GRIN2B: variants seen among roughly 807,000 people sequenced by gnomAD.
The protein encoded by GRIN2B is glutamate ionotropic receptor NMDA type subunit 2B, also known as glutamate receptor ionotropic, NMDA 2B.
A neutral mutation model predicts 114.5 loss-of-function variants in GRIN2B; 5 were observed. The ratio of observed to expected loss-of-function variants is 0.04; its 90% CI spans 0.02 to 0.09. The LOEUF (loss-of-function observed/expected upper bound fraction) is 0.09. Ranked by LOEUF, GRIN2B falls within the 10% of genes least tolerant of loss-of-function variation. The probability of loss-of-function intolerance (pLI) is 1.00; values close to 1 mark genes in which losing one functional copy is unlikely to be tolerated. For synonymous variants in GRIN2B, 787 were observed against 745.1 expected, an observed-to-expected ratio of 1.06 and a Z score of -0.92; for missense variants, 1,108 against 1,943.5, an observed-to-expected ratio of 0.57 and a Z score of 8.08.
chr12:13,792,700 C>G (rs1864341577), intron 3 of GRIN2B, among the ~76,000 whole-genome samples: 2 of 152,200 alleles, frequency 1.3e-5, no homozygotes, highest in Non-Finnish European at 2.9e-5. Context: ...GGCCATGGTG[C>G]AAGGCAGATG....
chr12:13,586,809 G>A (rs1297395345), intron 10 of GRIN2B, among the ~76,000 whole-genome samples: 3 of 152,092 alleles, frequency 2.0e-5, no homozygotes, highest in Non-Finnish European at 2.9e-5. Context: ...TCAACCATTG[G>A]TCATGAAACT....
At chr12:13,838,686 C>T (rs901618960) in intron 3 of GRIN2B, among the ~76,000 whole-genome samples, 2 of 152,160 alleles carry the variant, frequency 1.3e-5, no homozygotes, top group African/African-American at 4.8e-5. Context: ...GTCACTGATG[C>T]TCAGGTGTGG....
In GRIN2B at chr12:13,639,850, C is replaced by T. The variant is rs960388903; in HGVS notation, c.1126-23193G>A. ...TTTCTTTTTCATCTTTTTCTCTCTC[C>T]ATCCCTTTCCCTTATTAAATTTCCC... On this transcript the variant is annotated intron_variant, in intron 5 of 13. Coordinates refer to ENST00000609686, the MANE Select transcript of GRIN2B (RefSeq NM_000834.5). Among the ~76,000 whole-genome samples the T allele has an allele frequency of 2.0e-5, 3 of 152,024 alleles. No individual in the cohort carries two copies. In the East Asian group the frequency reaches 5.8e-4, roughly 29 times the overall value.
chr12:13,650,334 C>T (rs1443010377), intron 5 of GRIN2B, among the ~76,000 whole-genome samples: 1 of 86,098 alleles, frequency 1.2e-5, no homozygotes, highest in African/African-American at 4.0e-5. Context: ...TTCCTCCCCT[C>T]TGTCAATGTA....
intron 4 of GRIN2B, among the ~76,000 whole-genome samples, chr12:13,700,740 G>T (rs1408287773): frequency 6.6e-6 from 1 of 152,176 alleles, no homozygotes; most frequent in Non-Finnish European, 1.5e-5. Context: ...AGCTGTCCCT[G>T]TTGGGTCCTT....
chr12:13,556,090 T>A lies in GRIN2B; in HGVS notation c.*6693A>T, dbSNP rs1456212360. 1 of 151,872 alleles carries A rather than the reference T, an allele frequency of 6.6e-6. No individual in the cohort carries two copies. 9.4% of individuals were successfully genotyped at this position (151,872 alleles called of 1,614,324 possible). A position where few individuals can be genotyped will look rare whatever the true frequency, so the allele number is the denominator to read the frequency against. On this transcript the variant is annotated 3_prime_UTR_variant, in exon 14 of 14. Coordinates refer to ENST00000609686, the MANE Select transcript of GRIN2B (RefSeq NM_000834.5). ...TTTATGGACCAGAACAACAGAGGGG[T>A]CTTGAAGGAAGGAAGATATAGAAAA...
chr12:13,590,345 G>A (rs1027700777), intron 10 of GRIN2B, among the ~76,000 whole-genome samples: 1 of 152,054 alleles, frequency 6.6e-6, no homozygotes, highest in African/African-American at 2.4e-5. Flanking sequence ...TAGGTTTTAA[G>A]CCCCGCATGC....
chr12:13,571,794 C>A lies in GRIN2B; in HGVS notation c.2171+10G>T, dbSNP rs755997043. ...AGATCAAGGACTCTGAGCTTGGAAG[C>A]AGTTCTTACCCTGTTTTCAGGGAGA... On this transcript the variant is annotated intron_variant, in intron 11 of 13. Coordinates refer to ENST00000609686, the MANE Select transcript of GRIN2B (RefSeq NM_000834.5). 3 of 1,613,852 alleles carry A rather than the reference C, an allele frequency of 1.9e-6. No individual in the cohort carries two copies. Among genetic ancestry groups the A allele is most frequent in the African/African-American group, 2.7e-5 (2 of 74,928 alleles).
intron 10 of GRIN2B, among the ~76,000 whole-genome samples, chr12:13,576,297 A>C (rs1948775223): frequency 6.6e-6 from 1 of 151,970 alleles, no homozygotes; most frequent in Non-Finnish European, 1.5e-5. Flanking sequence ...CTTGTAATAA[A>C]ACTTACCCCA....
intron 10 of GRIN2B, among the ~76,000 whole-genome samples, chr12:13,605,551 T>TCACACACA: frequency 4.9e-4 from 15 of 30,422 alleles, no homozygotes; most frequent in Non-Finnish European, 8.8e-4. Context: ...TCTCTCTCTC[T>TCACACACA]GACACACACA....
At chr12:13,796,464 T>C (rs1864420986) in intron 3 of GRIN2B, among the ~76,000 whole-genome samples, 1 of 152,202 alleles carries the variant, frequency 6.6e-6, no homozygotes, top group South Asian at 2.1e-4. Context: ...CAACTATAGC[T>C]TGGGTTTACA....
intron 4 of GRIN2B, among the ~76,000 whole-genome samples, chr12:13,726,547 AAT>A (rs951888324): frequency 5.4e-5 from 8 of 147,592 alleles, no homozygotes; most frequent in African/African-American, 1.7e-4. Flanking sequence ...AAAAGAAAGA[AAT>A]ATATATATAT....
intron 3 of GRIN2B, among the ~76,000 whole-genome samples, chr12:13,766,417 A>C (rs2136641418): frequency 6.6e-6 from 1 of 152,296 alleles, no homozygotes; most frequent in East Asian, 1.9e-4. Flanking sequence ...CAGTGAGCAA[A>C]GTAAACATCC....
intron 4 of GRIN2B, among the ~76,000 whole-genome samples, chr12:13,698,226 G>A (rs7967652): frequency 0.36 from 55,485 of 152,190 alleles, 11,141 homozygotes; most frequent in Non-Finnish European, 0.46. Context: ...GTTGGGGCGC[G>A]GGGCGCGGGG....
chr12:13,799,073 G>A (rs546105353), intron 3 of GRIN2B, among the ~76,000 whole-genome samples: 20 of 152,236 alleles, frequency 1.3e-4, no homozygotes, highest in African/African-American at 3.9e-4. Flanking sequence ...TTTCCTTCAC[G>A]AACAATTTCA....
chr12:13,770,284 T>C (rs1237563039), intron 3 of GRIN2B, among the ~76,000 whole-genome samples: 2 of 152,366 alleles, frequency 1.3e-5, no homozygotes, highest in Middle Eastern at 3.4e-3. Context: ...TCATTGGGTG[T>C]TTCACACTGG....
At chr12:13,720,249 G>T (rs906532527) in intron 4 of GRIN2B, among the ~76,000 whole-genome samples, 1 of 151,934 alleles carries the variant, frequency 6.6e-6, no homozygotes, top group African/African-American at 2.4e-5. Context: ...CTCAGTTCTG[G>T]CATATTCAAC....
chr12:13,791,787 T>A (rs1285916508), intron 3 of GRIN2B, among the ~76,000 whole-genome samples: 1 of 152,206 alleles, frequency 6.6e-6, no homozygotes, highest in African/African-American at 2.4e-5. Context: ...CATTTAATAT[T>A]TATCTCTTCT....
intron 3 of GRIN2B, among the ~76,000 whole-genome samples, chr12:13,763,155 C>T (rs1863713289): frequency 6.6e-6 from 1 of 152,126 alleles, no homozygotes; most frequent in Non-Finnish European, 1.5e-5. Flanking sequence ...CTTGTCAGCA[C>T]CTGCATGTCC....
Sources: allele counts gnomAD v4.1 joint callset (sites outside exome capture counted in the v4.1 genomes callset), GRCh38; gene constraint gnomAD v4.1.1; transcripts MANE v1.5; gene names NCBI Gene and HGNC (gene_info 2026-07-23, HGNC 2026-07-21).